RUFY2: variants seen among roughly 807,000 people sequenced by gnomAD.
RUFY2 encodes the protein RUN and FYVE domain containing 2.
A neutral mutation model predicts 94.4 loss-of-function variants in RUFY2; 49 were observed. That is an observed-to-expected ratio of 0.52 (90% CI 0.41 to 0.66). RUFY2 has a LOEUF of 0.66. RUFY2 is among the 30% of genes least tolerant of loss of function. RUFY2 has a pLI of 0.00. For missense variants in RUFY2, 541 were observed against 692.8 expected (o/e 0.78, Z 2.46); for synonymous variants, 255 against 235.7 (o/e 1.08, Z -0.75).
At chr10:68,359,454 T>A (rs1429971909) in intron 15 of RUFY2, among the ~76,000 whole-genome samples, 1 of 109,908 alleles carries the variant, frequency 9.1e-6, no homozygotes, top group Non-Finnish European at 2.1e-5. Context: ...TAAATATACA[T>A]AGTAGTAATG....
chr10:68,381,500 T>A, intron 10 of RUFY2, 101 bp from the exon 11 acceptor site: 1 of 1,075,738 alleles, frequency 9.3e-7, no homozygotes, highest in South Asian at 1.6e-5. Context: ...ACTACACCTT[T>A]TAAGTCCACT....
At position 68,345,771 on chromosome 10, in the gene RUFY2, G is replaced by A. The variant is rs1178673896; in HGVS notation, c.1818C>T (p.Pro606=). ...LLIQRCSSNL[P] is the part of the protein sequence containing the mutation. The stretch of plus-strand genomic sequence containing the variant: ...ATAAGGATTTAGTTCTGGAGTCTCA[G>A]GGCAAGTTAGATGAGCATCTCTGAA... Residue 606 remains proline, a synonymous_variant, in exon 18 of 18, where the codon CCC becomes CCT. Coordinates refer to ENST00000602465, the MANE Select transcript of RUFY2 (RefSeq NM_001330103.2). 2 of 1,611,380 alleles carry A rather than the reference G, an allele frequency of 1.2e-6. No individual in the cohort carries two copies. Among genetic ancestry groups the A allele is most frequent in the Non-Finnish European group, 1.7e-6 (2 of 1,178,624 alleles).
chr10:68,393,146 TC>T lies in RUFY2; in HGVS notation c.641del (p.Arg214AsnfsTer3). The T allele has an allele frequency of 6.6e-7, 1 of 1,512,966 alleles. No homozygotes were observed. The highest frequency in any genetic ancestry group is 9.1e-7 in the Non-Finnish European group (1 of 1,099,472). 93.7% of individuals were successfully genotyped at this position (1,512,966 alleles called of 1,614,324 possible). A position where few individuals can be genotyped will look rare whatever the true frequency, so the allele number is the denominator to read the frequency against. On this transcript the variant is annotated frameshift_variant, in exon 7 of 18. Coordinates refer to ENST00000602465, the MANE Select transcript of RUFY2 (RefSeq NM_001330103.2). LOFTEE classifies it high-confidence loss of function. ...GTATCCATAATACTTACTTCAGTTGTCTATTTAATTCTTCAACATAATTCTT... is the reference window on the plus strand; with the variant it reads ...GTATCCATAATACTTACTTCAGTTGTTATTTAATTCTTCAACATAATTCTT... Reference protein sequence around the residue: ...DQKNYVEELNRQLNSTVSSLH... With the variant: ...DQKNYVEELNXQLNSTVSSLH...
At chr10:68,379,741 G>C (rs1343032725) in intron 11 of RUFY2, among the ~76,000 whole-genome samples, 1 of 151,638 alleles carries the variant, frequency 6.6e-6, no homozygotes, top group African/African-American at 2.4e-5. Flanking sequence ...CTATGGGACT[G>C]TTACTTTGAA....
chr10:68,357,194 A>C (rs1025657616), intron 15 of RUFY2, among the ~76,000 whole-genome samples: 6 of 151,370 alleles, frequency 4.0e-5, no homozygotes, highest in Non-Finnish European at 7.4e-5. Context: ...AAGAAAATAC[A>C]TATGTTGGGA....
chr10:68,365,496 T>C (rs1490720163), intron 13 of RUFY2, among the ~76,000 whole-genome samples: 1 of 152,196 alleles, frequency 6.6e-6, no homozygotes, highest in African/African-American at 2.4e-5. Flanking sequence ...AATGGTGTCC[T>C]GTGGAAGACT....
At chr10:68,397,581 T>A (rs1054303773) in intron 3 of RUFY2, among the ~76,000 whole-genome samples, 7 of 149,968 alleles carry the variant, frequency 4.7e-5, no homozygotes, top group Admixed American at 3.4e-4. Context: ...AAAAAATAAA[T>A]TAATTAAATT....
intron 7 of RUFY2, among the ~76,000 whole-genome samples, chr10:68,391,033 C>T (rs1157373074): frequency 6.6e-6 from 1 of 150,436 alleles, no homozygotes; most frequent in African/African-American, 2.4e-5. Flanking sequence ...CTCCTGGGTT[C>T]GAGCAATTCT....
intron 2 of RUFY2, among the ~76,000 whole-genome samples, chr10:68,403,557 T>C (rs185499346): frequency 2.6e-5 from 4 of 152,268 alleles, no homozygotes; most frequent in East Asian, 1.9e-4. Flanking sequence ...GAGAGGTTAA[T>C]AGAAGAGAAT....
At chr10:68,349,175 T>C (rs1221720445) in intron 16 of RUFY2, among the ~76,000 whole-genome samples, 1 of 152,170 alleles carries the variant, frequency 6.6e-6, no homozygotes, top group Non-Finnish European at 1.5e-5. Flanking sequence ...TATTTGTGCC[T>C]TTTATTGAAA....
intron 16 of RUFY2, among the ~76,000 whole-genome samples, chr10:68,351,983 G>A (rs2046709918): frequency 6.6e-6 from 1 of 151,344 alleles, no homozygotes; most frequent in South Asian, 2.1e-4. Flanking sequence ...CTTGAACCCA[G>A]GAGAGGGAGG....
chr10:68,388,664 A>T (rs1322757537), intron 7 of RUFY2, among the ~76,000 whole-genome samples: 42 of 151,952 alleles, frequency 2.8e-4, no homozygotes, highest in Admixed American at 2.6e-3. Context: ...GTGAAACCCC[A>T]GCTCTATGAA....
At chr10:68,378,550 T>C (rs1589891965) in intron 12 of RUFY2, 1 of 1,569,594 alleles carries the variant, frequency 6.4e-7, no homozygotes, top group Non-Finnish European at 8.7e-7. Context: ...TCTGTTTAAA[T>C]ACAAGTGGTC....
chr10:68,381,130 T>C (rs892924661), intron 11 of RUFY2, 102 bp downstream of exon 11: 97 of 778,748 alleles, frequency 1.2e-4, no homozygotes, highest in Non-Finnish European at 1.7e-4. Flanking sequence ...TTTATAATAT[T>C]GCACAGTTAA....
At chr10:68,395,265 G>A (rs186813763) in intron 4 of RUFY2, among the ~76,000 whole-genome samples, 3 of 151,920 alleles carry the variant, frequency 2.0e-5, no homozygotes, top group African/African-American at 4.8e-5. Flanking sequence ...CTGAACCCAG[G>A]AGGCAGAGGT....
chr10:68,352,913 C>T (rs1231318759), intron 16 of RUFY2, among the ~76,000 whole-genome samples: 1 of 149,914 alleles, frequency 6.7e-6, no homozygotes, highest in Non-Finnish European at 1.5e-5. Flanking sequence ...GAGGGAGACT[C>T]CATCTCAAAA....
intron 2 of RUFY2, among the ~76,000 whole-genome samples, chr10:68,402,626 T>G (rs2133233685): frequency 6.6e-6 from 1 of 151,968 alleles, no homozygotes; most frequent in Middle Eastern, 3.4e-3. Context: ...TCAGCAGTCT[T>G]GGGGAAAATC....
chr10:68,393,966 G>C (rs2050189305), intron 6 of RUFY2, 109 bp downstream of exon 6: 1 of 1,419,214 alleles, frequency 7.0e-7, no homozygotes, highest in Non-Finnish European at 9.3e-7. Flanking sequence ...GAAGTCACAG[G>C]GGGGAAAACA....
chr10:68,383,149 GC>G (rs2049210482), intron 10 of RUFY2, among the ~76,000 whole-genome samples: 1 of 148,912 alleles, frequency 6.7e-6, no homozygotes, highest in South Asian at 2.1e-4. Flanking sequence ...ACACGGCAAA[GC>G]CCCATCTCTA....
Sources: allele counts gnomAD v4.1 joint callset (sites outside exome capture counted in the v4.1 genomes callset), GRCh38; gene constraint gnomAD v4.1.1; transcripts MANE v1.5; gene names NCBI Gene and HGNC (gene_info 2026-07-23, HGNC 2026-07-21).